CAMK1D: variants seen among roughly 807,000 people sequenced by gnomAD.
CAMK1D encodes the protein calcium/calmodulin dependent protein kinase ID.
In CAMK1D, 9 loss-of-function variants were observed where a neutral mutation model predicts 47.7. That is an observed-to-expected ratio of 0.19 (90% CI 0.11 to 0.33). The LOEUF is 0.33. CAMK1D is among the 10% of genes least tolerant of loss of function. The pLI, the probability that CAMK1D is intolerant of heterozygous loss-of-function variation, is 1.00. For synonymous variants in CAMK1D, 184 were observed against 184.9 expected (o/e 0.99, Z 0.04); for missense variants, 291 against 488.7 (o/e 0.60, Z 3.81).
intron 3 of CAMK1D, among the ~76,000 whole-genome samples, chr10:12,678,403 A>T (rs1444226345): frequency 6.6e-6 from 1 of 152,200 alleles, no homozygotes; most frequent in Non-Finnish European, 1.5e-5. Flanking sequence ...TTGTGGCCTA[A>T]CATATGGTCT....
At chr10:12,733,618 T>C (rs890504247) in intron 3 of CAMK1D, among the ~76,000 whole-genome samples, 1 of 152,300 alleles carries the variant, frequency 6.6e-6, no homozygotes, top group South Asian at 2.1e-4. Flanking sequence ...TATCACCAGG[T>C]AGTGTTCTAG....
chr10:12,825,443 C>A, intron 9 of CAMK1D, 130 bp from the exon 10 acceptor site: 1 of 830,670 alleles, frequency 1.2e-6, no homozygotes, highest in Non-Finnish European at 1.8e-6. Flanking sequence ...AGCTTTCCTT[C>A]TTGAGTAGCA....
At chr10:12,527,350 CTTTTTT>C (rs750670427) in intron 1 of CAMK1D, among the ~76,000 whole-genome samples, 1 of 84,036 alleles carries the variant, frequency 1.2e-5, no homozygotes, top group African/African-American at 4.8e-5. Context: ...ACTTGACTTG[CTTTTTT>C]TTTTTTTTTT....
At chr10:12,362,299 G>A (rs11257738) in intron 1 of CAMK1D, among the ~76,000 whole-genome samples, 16,995 of 152,068 alleles carry the variant, frequency 0.11, 2,557 homozygotes, top group African/African-American at 0.34. Context: ...ATCTGTCTCA[G>A]TGAATTTGGC....
At position 12,530,093 on chromosome 10, in the gene CAMK1D, G is replaced by A. The variant is rs536927311; in HGVS notation, c.93-23132G>A. Among the ~76,000 whole-genome samples the A allele has an allele frequency of 5.9e-5, 9 of 152,348 alleles. No individual in the cohort carries two copies. The South Asian group carries it at 1.7e-3, about 28-fold the overall frequency. On this transcript the variant is annotated intron_variant, in intron 1 of 10. Coordinates refer to ENST00000619168, the MANE Select transcript of CAMK1D (RefSeq NM_153498.4). The stretch of plus-strand genomic sequence containing the variant: ...AATGTTTATTGTGATTCTAAGGGAC[G>A]GAATAGTATCCCTGTTCTGTGTAAG...
chr10:12,595,323 C>G (rs893340264), intron 2 of CAMK1D, among the ~76,000 whole-genome samples: 1 of 74,424 alleles, frequency 1.3e-5, no homozygotes, highest in Admixed American at 2.4e-4. Context: ...GCCTGGGCAA[C>G]AAGAGTGAAA....
chr10:12,742,061 C>T (rs1835457988), intron 3 of CAMK1D, among the ~76,000 whole-genome samples: 1 of 152,208 alleles, frequency 6.6e-6, no homozygotes, highest in Admixed American at 6.5e-5. Flanking sequence ...GGACAATGTC[C>T]ACATAAGGCC....
intron 2 of CAMK1D, among the ~76,000 whole-genome samples, chr10:12,561,011 T>C (rs1235093263): frequency 6.6e-6 from 1 of 151,980 alleles, no homozygotes; most frequent in African/African-American, 2.4e-5. Context: ...CCTCCCAGCT[T>C]CACGCCATTC....
At chr10:12,670,091 G>A (rs575945330) in intron 3 of CAMK1D, among the ~76,000 whole-genome samples, 30 of 148,218 alleles carry the variant, frequency 2.0e-4, no homozygotes, top group Non-Finnish European at 3.0e-4. Flanking sequence ...TTAATAAACC[G>A]TCTGACAGTT....
chr10:12,648,483 T>G (rs772093508), intron 2 of CAMK1D, among the ~76,000 whole-genome samples: 1 of 152,176 alleles, frequency 6.6e-6, no homozygotes, highest in Non-Finnish European at 1.5e-5. Context: ...ACTTACTTAC[T>G]TTTTTGAGAT....
intron 1 of CAMK1D, among the ~76,000 whole-genome samples, chr10:12,448,193 T>G (rs1446459155): frequency 1.3e-5 from 2 of 151,756 alleles, no homozygotes; most frequent in East Asian, 1.9e-4. Flanking sequence ...TTATTTTTAC[T>G]TATTTTTATT....
chr10:12,754,547 G>A (rs547676814), intron 3 of CAMK1D, among the ~76,000 whole-genome samples: 1 of 152,228 alleles, frequency 6.6e-6, no homozygotes, highest in Non-Finnish European at 1.5e-5. Context: ...GAGTATGGAA[G>A]ATCCTTTATG....
intron 2 of CAMK1D, among the ~76,000 whole-genome samples, chr10:12,648,659 T>G (rs1839876442): frequency 6.6e-6 from 1 of 151,828 alleles, no homozygotes; most frequent in African/African-American, 2.4e-5. Context: ...TTAGTAGAGG[T>G]GGGGTTTCGC....
intron 3 of CAMK1D, among the ~76,000 whole-genome samples, chr10:12,743,214 G>C (rs1028024119): frequency 2.6e-5 from 4 of 151,948 alleles, no homozygotes; most frequent in Admixed American, 6.6e-5. Flanking sequence ...GGGCATGGTG[G>C]CAGGCACCTG....
intron 2 of CAMK1D, among the ~76,000 whole-genome samples, chr10:12,587,818 A>G (rs1443326604): frequency 6.6e-6 from 1 of 152,048 alleles, no homozygotes; most frequent in Admixed American, 6.6e-5. Context: ...ATCTCCGTAG[A>G]TTTGTTTTTT....
intron 3 of CAMK1D, among the ~76,000 whole-genome samples, chr10:12,688,268 G>C (rs1388441405): frequency 6.6e-6 from 1 of 152,186 alleles, no homozygotes; most frequent in Non-Finnish European, 1.5e-5. Context: ...GGTTACACCT[G>C]TGGGGCTGGG....
At chr10:12,530,003 A>G (rs1835752586) in intron 1 of CAMK1D, among the ~76,000 whole-genome samples, 1 of 152,348 alleles carries the variant, frequency 6.6e-6, no homozygotes, top group Non-Finnish European at 1.5e-5. Context: ...AATGAAAAAG[A>G]CATTTAGCCA....
intron 1 of CAMK1D, among the ~76,000 whole-genome samples, chr10:12,511,376 C>A (rs1835033579): frequency 6.6e-6 from 1 of 152,094 alleles, no homozygotes; most frequent in Non-Finnish European, 1.5e-5. Context: ...TGAGGCTGGA[C>A]AGTCTCTTGA....
intron 6 of CAMK1D, among the ~76,000 whole-genome samples, chr10:12,807,462 A>G (rs1288827749): frequency 6.6e-6 from 1 of 152,134 alleles, no homozygotes; most frequent in Non-Finnish European, 1.5e-5. Context: ...GGCAAGATCC[A>G]GTGTAGTTAT....
Sources: gnomAD v4.1 joint callset for allele counts (sites outside exome capture counted in the v4.1 genomes callset) on GRCh38, gnomAD v4.1.1 for gene constraint, MANE v1.5 for transcripts, NCBI Gene and HGNC (gene_info 2026-07-23, HGNC 2026-07-21) for gene names.